ITGAE: variants seen among roughly 807,000 people sequenced by gnomAD.
The protein encoded by ITGAE is integrin subunit alpha E, also known as integrin alpha-E.
A neutral mutation model predicts 136.5 loss-of-function variants in ITGAE; 99 were observed. The observed-to-expected ratio is 0.73, with a 90% confidence interval of 0.62 to 0.86. The LOEUF (loss-of-function observed/expected upper bound fraction) is 0.86, where lower values mean the gene tolerates loss of function less well. ITGAE is among the 40% of genes least tolerant of loss of function. The probability of loss-of-function intolerance (pLI) is 0.00; values close to 1 mark genes in which losing one functional copy is unlikely to be tolerated. For synonymous variants in ITGAE, 613 were observed against 591.8 expected, an observed-to-expected ratio of 1.04 and a Z score of -0.52; for missense variants, 1,447 against 1,515.3, an observed-to-expected ratio of 0.95 and a Z score of 0.75.
Position 3,801,096 on chromosome 17 carries a change from G to A in ITGAE, c.34+15C>T, listed in dbSNP as rs1395350913. 6.2e-7 allele frequency: 1 copy of A among 1,613,014 alleles called. No homozygotes were observed. Among genetic ancestry groups the A allele is most frequent in the South Asian group, 1.1e-5 (1 of 91,080 alleles). The stretch of plus-strand genomic sequence containing the variant: ...GGCACAGCAGCCCCTCGAAGCAGCG[G>A]GTGAGAGGACTTACTGGCTATGCAG... On this transcript the variant is annotated intron_variant, in intron 1 of 30. Transcript: ENST00000263087.
chr17:3,773,125 C>T (rs1418026982), intron 2 of ITGAE, among the ~76,000 whole-genome samples: 1 of 152,310 alleles, frequency 6.6e-6, no homozygotes, highest in Middle Eastern at 3.4e-3. Context: ...GGGACCCTTT[C>T]CTTGGGCTTA....
intron 1 of ITGAE, among the ~76,000 whole-genome samples, chr17:3,783,572 C>T (rs917364255): frequency 6.6e-6 from 1 of 152,134 alleles, no homozygotes; most frequent in African/African-American, 2.4e-5. Context: ...TTTTATTGGT[C>T]AATTAATACA....
chr17:3,786,566 A>C (rs1371630656), intron 1 of ITGAE, among the ~76,000 whole-genome samples: 9 of 152,154 alleles, frequency 5.9e-5, no homozygotes, highest in Non-Finnish European at 1.3e-4. Flanking sequence ...TGCTGCACAA[A>C]ATTCCAGTAA....
chr17:3,716,650 C>T, intron 30 of ITGAE, 38 bp downstream of exon 30: 1 of 1,226,596 alleles, frequency 8.2e-7, no homozygotes, highest in Non-Finnish European at 1.2e-6. Flanking sequence ...AACTAGAGCC[C>T]AGTCTTCCCT....
At chr17:3,736,905 T>C (rs750320585) in intron 20 of ITGAE, among the ~76,000 whole-genome samples, 4 of 152,044 alleles carry the variant, frequency 2.6e-5, no homozygotes, top group Non-Finnish European at 5.9e-5. Flanking sequence ...TTATCCCAGC[T>C]GAGAAGAGGC....
intron 10 of ITGAE, among the ~76,000 whole-genome samples, chr17:3,756,259 T>G: frequency 8.0e-6 from 1 of 125,616 alleles, no homozygotes; most frequent in East Asian, 2.4e-4. Context: ...TTTGAGACAG[T>G]GTCTCACTCT....
At chr17:3,800,908 C>T (rs1597383179) in intron 1 of ITGAE, among the ~76,000 whole-genome samples, 1 of 152,324 alleles carries the variant, frequency 6.6e-6, no homozygotes, top group East Asian at 1.9e-4. Context: ...GAACTGGCAA[C>T]ACGAAGCCTC....
intron 20 of ITGAE, 86 bp downstream of exon 20, chr17:3,739,719 G>A: frequency 1.8e-6 from 2 of 1,101,520 alleles, no homozygotes; most frequent in Middle Eastern, 2.0e-4. Flanking sequence ...GGAAGGGGAT[G>A]TGCAGGGTGT....
At position 3,761,061 on chromosome 17, in the gene ITGAE, C is replaced by G. The variant is rs757497096; in HGVS notation, c.550G>C (p.Glu184Gln). 2.3e-5 allele frequency: 37 copies of G among 1,609,424 alleles called. No homozygotes were observed. Among genetic ancestry groups the G allele is most frequent in the Non-Finnish European group, 2.9e-5 (34 of 1,179,980 alleles). Reference sequence around the variant, plus strand: ...TCCTCCTCCTCCTTGTCTTCCTCCTCCTCCTTCTCCAGAGCCCGGCGCTGC... The same window carrying G: ...TCCTCCTCCTCCTTGTCTTCCTCCTGCTCCTTCTCCAGAGCCCGGCGCTGC... ...ARQRRALEKE[E>Q]EEDKEEEEDE... The change falls in exon 6 of 31, where the codon GAG (glutamate) becomes CAG (glutamine). Residue 184 changes from glutamate to glutamine, a missense_variant. By Grantham distance (29) the Glu-to-Gln change is conservative. Transcript: ENST00000263087.
intron 8 of ITGAE, 121 bp from the exon 9 acceptor site, chr17:3,757,980 C>T (rs866363338): frequency 8.4e-7 from 1 of 1,187,600 alleles, no homozygotes; most frequent in Middle Eastern, 2.1e-4. Flanking sequence ...CCCGAAAGAC[C>T]CAGAGAAGGG....
At chr17:3,734,680 A>G in intron 21 of ITGAE, 137 bp downstream of exon 21, 1 of 1,031,744 alleles carries the variant, frequency 9.7e-7, no homozygotes. Flanking sequence ...GGATTTATCT[A>G]GTTATTAACC....
chr17:3,759,329 C>T, intron 8 of ITGAE, 73 bp downstream of exon 8: 1 of 1,550,044 alleles, frequency 6.5e-7, no homozygotes. Context: ...TTCTGGCCAG[C>T]CACTTCCTCC....
At position 3,714,929 on chromosome 17, in the gene ITGAE, TTAA is replaced by T; in HGVS notation, c.3455_3457del (p.Phe1152_Lys1153delinsTer). 6.2e-7 allele frequency: 1 copy of T among 1,602,694 alleles called. No homozygotes were observed. The highest frequency in any genetic ancestry group is 8.5e-7 in the Non-Finnish European group (1 of 1,173,990). Reference sequence around the variant, plus strand: ...CAAGTTCAGTTGTTGATATTTTCTTTTAAAAAAGCCACACTGAAACAAAGGAAG... The same window carrying T: ...CAAGTTCAGTTGTTGATATTTTCTTTAAAAGCCACACTGAAACAAAGGAAG... On this transcript the variant is annotated stop_gained and inframe_deletion, in exon 31 of 31. Transcript: ENST00000263087. LOFTEE classifies it high-confidence loss of function.
In ITGAE at chr17:3,760,199, C is replaced by T; in HGVS notation, c.687G>A (p.Met229Ile). Residue 229 changes from methionine to isoleucine, a missense_variant, in exon 7 of 31, where the codon ATG becomes ATA. By Grantham distance (10) the Met-to-Ile change is conservative (BLOSUM62 1). Around this residue, in one of 3 missense-constraint regions of ITGAE, gnomAD observed 310 missense variants for 416.1 expected, o/e 0.74. Transcript: ENST00000263087. ...QRAKDFISNM[M>I]RNFYEKCFEC... is the part of the protein sequence containing the mutation. ...CAAAACACTTTTCATAGAAGTTCCT[C>T]ATCATGTTGGAGATGAAGTCTTTGG... is the stretch of plus-strand genomic sequence containing the variant. 6.2e-7 allele frequency: 1 copy of T among 1,613,174 alleles called. No individual in the cohort carries two copies. Among genetic ancestry groups the T allele is most frequent in the Non-Finnish European group, 8.5e-7 (1 of 1,179,172 alleles).
intron 18 of ITGAE, among the ~76,000 whole-genome samples, chr17:3,744,301 G>T (rs1466237987): frequency 6.6e-6 from 1 of 152,110 alleles, no homozygotes; most frequent in Admixed American, 6.6e-5. Context: ...AAGCTGCCAA[G>T]TGCTTTGGGA....
At chr17:3,731,948 C>T (rs534282637) in intron 22 of ITGAE, among the ~76,000 whole-genome samples, 53 of 152,022 alleles carry the variant, frequency 3.5e-4, no homozygotes, top group Middle Eastern at 3.4e-3. Context: ...TAGTGCTGCA[C>T]GCCTGTAATC....
chr17:3,761,722 C>G (rs1040232115), intron 4 of ITGAE, among the ~76,000 whole-genome samples, 193 bp downstream of exon 4: 3 of 152,210 alleles, frequency 2.0e-5, no homozygotes, highest in Admixed American at 6.5e-5. Flanking sequence ...TGCTGGGTCA[C>G]AGGGAATACC....
At chr17:3,767,136 G>A (rs977571128) in intron 2 of ITGAE, among the ~76,000 whole-genome samples, 27 of 147,622 alleles carry the variant, frequency 1.8e-4, no homozygotes, top group Middle Eastern at 7.0e-3. Flanking sequence ...CACTCTTGTC[G>A]CCCAGGCTGG....
At chr17:3,758,428 TCTC>T (rs1228805135) in intron 8 of ITGAE, among the ~76,000 whole-genome samples, 4 of 151,426 alleles carry the variant, frequency 2.6e-5, no homozygotes, top group African/African-American at 9.7e-5. Context: ...CTATTATTAT[TCTC>T]ATTTTATTTA....
Sources: gnomAD v4.1 joint callset for allele counts (sites outside exome capture counted in the v4.1 genomes callset) on GRCh38, gnomAD v4.1.1 for gene constraint, gnomAD v4.1.1 regional missense constraint, MANE v1.5 for transcripts, NCBI Gene and HGNC (gene_info 2026-07-23, HGNC 2026-07-21) for gene names.